The following VWDE variants were observed in gnomAD, a reference collection of about 807,000 sequenced individuals.
VWDE encodes the protein von Willebrand factor D and EGF domain-containing protein.
VWDE carries 207 observed loss-of-function variants against 178.4 expected under a neutral mutation model. That is an observed-to-expected ratio of 1.16 (90% CI 1.04 to 1.30). The LOEUF (loss-of-function observed/expected upper bound fraction) is 1.30, where lower values mean the gene tolerates loss of function less well. VWDE is among the 50% of genes most tolerant of loss of function. VWDE has a pLI of 0.00. For missense variants in VWDE, 2,287 were observed against 1,901.3 expected (o/e 1.20, Z -3.77); for synonymous variants, 738 against 651.4 (o/e 1.13, Z -2.02).
chr7:12,364,557 A>C (rs1782757164), intron 13 of VWDE, among the ~76,000 whole-genome samples: 2 of 152,148 alleles, frequency 1.3e-5, no homozygotes, highest in Admixed American at 1.3e-4. Context: ...GCATTGAGTT[A>C]TAATTCATGA....
At chr7:12,335,467 T>C (rs1430432784) in intron 27 of VWDE, among the ~76,000 whole-genome samples, 2 of 152,168 alleles carry the variant, frequency 1.3e-5, no homozygotes, top group Non-Finnish European at 2.9e-5. Flanking sequence ...TTTTTTACTT[T>C]TTTTTTGAGA....
chr7:12,373,162 A>G lies in VWDE; in HGVS notation c.1402T>C (p.Cys468Arg). The G allele has an allele frequency of 6.4e-7, 1 of 1,551,388 alleles. No individual in the cohort carries two copies. The highest frequency in any genetic ancestry group is 8.7e-7 in the Non-Finnish European group (1 of 1,146,788). Residue 468 changes from cysteine (C) to arginine (R), a missense_variant, in exon 10 of 29, where the codon TGC (cysteine) becomes CGC (arginine). Cys to Arg is a radical substitution (Grantham distance 180). Transcript: ENST00000275358. Reference protein sequence around the residue: ...DFEVHVRQWDCRSLHYPVSCN... With the variant: ...DFEVHVRQWDRRSLHYPVSCN... ...GACACTGGATAGTGAAGGCTTCTGC[A>G]GTCCCACTGACGTACATGGACTTCA... is the stretch of plus-strand genomic sequence containing the variant.
chr7:12,392,214 C>T (rs967745318), intron 2 of VWDE, among the ~76,000 whole-genome samples: 8 of 152,204 alleles, frequency 5.3e-5, no homozygotes, highest in Non-Finnish European at 8.8e-5. Flanking sequence ...TACCTAAAAG[C>T]ATCACTGAGA....
At chr7:12,331,643 T>C (rs1780727524) in intron 28 of VWDE, among the ~76,000 whole-genome samples, 1 of 152,128 alleles carries the variant, frequency 6.6e-6, no homozygotes, top group South Asian at 2.1e-4. Flanking sequence ...GGCACCACTC[T>C]AGGTACTTCA....
At position 12,342,173 on chromosome 7, in the gene VWDE, G is replaced by A. The variant is rs778570926; in HGVS notation, c.4175-19C>T. The A allele has an allele frequency of 6.5e-5, 100 of 1,547,142 alleles. No individual in the cohort carries two copies. The highest frequency in any genetic ancestry group is 1.7e-4 in the Middle Eastern group (1 of 5,998). On this transcript the variant is annotated intron_variant, in intron 22 of 28. Coordinates refer to ENST00000275358, the MANE Select transcript of VWDE (RefSeq NM_001135924.3). ...CAAACCACTGAGATCATAGAATAAA[G>A]AGAAAAGAAAGATTAGGCTTGGAGT...
chr7:12,332,198 A>AAT (rs10664408), intron 28 of VWDE, among the ~76,000 whole-genome samples: 6 of 151,076 alleles, frequency 4.0e-5, no homozygotes, highest in African/African-American at 1.5e-4. Context: ...AAGAAAAAAA[A>AAT]GACACCAGTG....
chr7:12,373,484 T>C (rs1783333585), intron 9 of VWDE, among the ~76,000 whole-genome samples: 1 of 152,110 alleles, frequency 6.6e-6, no homozygotes, highest in Non-Finnish European at 1.5e-5. Flanking sequence ...CCCGTATGTG[T>C]ATGCACGTGA....
chr7:12,403,596 A>T, intron 1 of VWDE, 63 bp downstream of exon 1: 1 of 1,482,646 alleles, frequency 6.7e-7, no homozygotes, highest in Non-Finnish European at 9.0e-7. Context: ...AGTCTAGCCT[A>T]GTCCCTCTAC....
intron 27 of VWDE, chr7:12,333,865 T>C (rs2128543499): frequency 4.5e-6 from 1 of 223,058 alleles, no homozygotes; most frequent in Non-Finnish European, 8.7e-6. Flanking sequence ...TATATCTCTT[T>C]TTTTTTCTAG....
Position 12,375,019 on chromosome 7 carries a change from G to C in VWDE, c.1233C>G (p.Asp411Glu). 3 of 1,551,014 alleles carry C rather than the reference G, an allele frequency of 1.9e-6. No individual in the cohort carries two copies. The highest frequency in any genetic ancestry group is 2.6e-6 in the Non-Finnish European group (3 of 1,146,462). ...GTTGTAATTTGTCAACCTGGATGCT[G>C]TCTGGAATGTAGTTGTTCCACAGGA... ...EDFLWNNYIPDSIQIKVKDVP... is the reference protein window; with the variant it reads ...EDFLWNNYIPESIQIKVKDVP... Residue 411 changes from aspartate (D) to glutamate (E), a missense_variant, in exon 8 of 29, where the codon GAC becomes GAG. Physicochemically the swap from Asp to Glu is conservative, Grantham distance 45. Transcript: ENST00000275358.
intron 23 of VWDE, among the ~76,000 whole-genome samples, chr7:12,341,171 T>C (rs74748855): frequency 0.019 from 2,834 of 152,284 alleles, 83 homozygotes; most frequent in African/African-American, 0.064. Context: ...ACTAACAATA[T>C]GCGACTTGAA....
chr7:12,384,842 T>C (rs1370035263), intron 3 of VWDE, among the ~76,000 whole-genome samples: 1 of 152,126 alleles, frequency 6.6e-6, no homozygotes, highest in Non-Finnish European at 1.5e-5. Flanking sequence ...GATTGCTTCT[T>C]GAAAGAATTT....
intron 23 of VWDE, 40 bp from the exon 24 acceptor site, chr7:12,340,457 A>C: frequency 1.4e-6 from 2 of 1,455,960 alleles, no homozygotes; most frequent in South Asian, 2.6e-5. Context: ...TAAAAGTTTT[A>C]TTATTTAAAA....
intron 1 of VWDE, among the ~76,000 whole-genome samples, chr7:12,397,279 A>G (rs1784675813): frequency 6.6e-6 from 1 of 152,172 alleles, no homozygotes. Flanking sequence ...ACCTACAGCC[A>G]TCTGATCTTT....
intron 10 of VWDE, 62 bp downstream of exon 10, chr7:12,372,915 G>A: frequency 7.0e-7 from 1 of 1,437,714 alleles, no homozygotes; most frequent in Admixed American, 2.4e-5. Context: ...TAATTTAATA[G>A]AGATGTTTAT....
intron 1 of VWDE, among the ~76,000 whole-genome samples, chr7:12,397,604 T>C (rs969925795): frequency 6.6e-6 from 1 of 151,820 alleles, no homozygotes; most frequent in Non-Finnish European, 1.5e-5. Context: ...CACAGCAAAA[T>C]AAACTATCAA....
rs3823844 is a variant in VWDE at position 12,369,896 on chromosome 7, A to G, written c.2410T>C (p.Tyr804His). Residue 804 changes from tyrosine to histidine, a missense_variant, in exon 12 of 29, where the codon TAT becomes CAT. Physicochemically the swap from Tyr to His is moderately conservative, Grantham distance 83 (BLOSUM62 2). Coordinates refer to ENST00000275358, the MANE Select transcript of VWDE (RefSeq NM_001135924.3). The part of the protein sequence containing the change: ...SWPTPSGLTE[Y>H]STLTLCQETL... ...TCCTGACAGAGGGTCAAGGTGCTAT[A>G]CTCGGTGAGGCCAGAGGGAGTGGGC... 0.13 allele frequency: 196,413 copies of G among 1,551,264 alleles called. 13,693 individuals are homozygous for G. The highest frequency in any genetic ancestry group is 0.22 in the African/African-American group (16,250 of 73,028).
chr7:12,349,328 G>A (rs1269236396), intron 19 of VWDE, among the ~76,000 whole-genome samples: 2 of 149,662 alleles, frequency 1.3e-5, no homozygotes, highest in Non-Finnish European at 3.0e-5. Context: ...CATTCATCTG[G>A]AAGAAAAAAA....
intron 6 of VWDE, 97 bp from the exon 7 acceptor site, chr7:12,378,017 C>G: frequency 1.1e-6 from 1 of 897,722 alleles, no homozygotes; most frequent in Non-Finnish European, 1.5e-6. Context: ...ACATATTTTA[C>G]TAAATAATAA....
Sources: gnomAD v4.1 joint callset for allele counts (sites outside exome capture counted in the v4.1 genomes callset) on GRCh38, gnomAD v4.1.1 for gene constraint, MANE v1.5 for transcripts, NCBI Gene and HGNC (gene_info 2026-07-23, HGNC 2026-07-21) for gene names.